Variants in ACTR8 observed in about 807,000 individuals in gnomAD.
The protein encoded by ACTR8 is actin related protein 8.
ACTR8 carries 70 observed loss-of-function variants against 84.3 expected under a neutral mutation model. That is an observed-to-expected ratio of 0.83 (90% confidence interval 0.68 to 1.01). ACTR8 has a LOEUF of 1.01. Ranked by LOEUF, ACTR8 falls within the 50% of genes least tolerant of loss-of-function variation. The pLI is 0.00. For synonymous variants in ACTR8, 268 were observed against 275.2 expected (o/e 0.97, Z 0.26); for missense variants, 672 against 775.4 (o/e 0.87, Z 1.58).
chr3:53,871,459 T>C lies in ACTR8; in HGVS notation c.1340A>G (p.Lys447Arg). The C allele has an allele frequency of 6.2e-7, 1 of 1,614,180 alleles. No homozygotes were observed. The highest frequency in any genetic ancestry group is 1.7e-5 in the Admixed American group (1 of 60,026). Reference sequence around the variant, plus strand: ...AAGATCCCCTTCAAATCCAATAGGTTTGGATGCAGACTTTCGGTCAGCAGT... The same window carrying C: ...AAGATCCCCTTCAAATCCAATAGGTCTGGATGCAGACTTTCGGTCAGCAGT... ...KATADRKSAS[K>R]PIGFEGDLRG... The change falls in exon 11 of 13, where the codon AAA (lysine) becomes AGA (arginine). Residue 447 changes from lysine (K) to arginine (R), a missense_variant. Transcript: ENST00000335754.
In ACTR8 at chr3:53,871,461, G is replaced by A. The variant is rs372308696; in HGVS notation, c.1338C>T (p.Ser446=). 71 of 1,614,058 alleles carry A rather than the reference G, an allele frequency of 4.4e-5. No individual in the cohort carries two copies. Among genetic ancestry groups the A allele is most frequent in the Non-Finnish European group, 5.7e-5 (67 of 1,180,050 alleles). ...GATCCCCTTCAAATCCAATAGGTTTGGATGCAGACTTTCGGTCAGCAGTAG... is the reference window on the plus strand; with the variant it reads ...GATCCCCTTCAAATCCAATAGGTTTAGATGCAGACTTTCGGTCAGCAGTAG... ...AKATADRKSA[S]KPIGFEGDLR... Residue 446 remains serine, a synonymous_variant, in exon 11 of 13, where the codon TCC becomes TCT. Coordinates refer to ENST00000335754, the MANE Select transcript of ACTR8 (RefSeq NM_022899.5).
chr3:53,876,989 T>C (rs1699984000), intron 5 of ACTR8, among the ~76,000 whole-genome samples: 1 of 151,870 alleles, frequency 6.6e-6, no homozygotes, highest in African/African-American at 2.4e-5. Flanking sequence ...ATGAGCAAGC[T>C]TGCTGATTCG....
At chr3:53,872,619 G>A (rs980282949) in intron 9 of ACTR8, 95 bp from the exon 10 acceptor site, 15 of 1,391,456 alleles carry the variant, frequency 1.1e-5, no homozygotes, top group African/African-American at 2.9e-5. Context: ...AAAACTGGCA[G>A]ATCAGATTCC....
downstream of ACTR8, among the ~76,000 whole-genome samples, chr3:53,866,719 G>A (rs536353462): frequency 1.3e-5 from 2 of 152,274 alleles, no homozygotes; most frequent in South Asian, 2.1e-4. Context: ...CTGACCTCAT[G>A]ATCCACCCAC....
chr3:53,860,185 C>T, the ACTR8 span: 3 of 1,613,986 alleles, frequency 1.9e-6, no homozygotes, highest in South Asian at 2.2e-5. Flanking sequence ...TGCTGGTGGC[C>T]ACATGGGTGC....
At chr3:53,872,666 G>T in intron 9 of ACTR8, 142 bp from the exon 10 acceptor site, 5 of 1,077,324 alleles carry the variant, frequency 4.6e-6, no homozygotes, top group Non-Finnish European at 6.4e-6. Flanking sequence ...TTCGGGAGTG[G>T]CATTATTTCT....
In ACTR8 at chr3:53,874,263, A is replaced by G. The variant is rs568634138; in HGVS notation, c.1013T>C (p.Met338Thr). Reference sequence around the variant, plus strand: ...AAGGTGTTGCAGAAGAAGACAATCCATTTTATTTGTTAACTGGCATTCTCT... The same window carrying G: ...AAGGTGTTGCAGAAGAAGACAATCCGTTTTATTTGTTAACTGGCATTCTCT... The part of the protein sequence containing the change: ...PYRECQLTNK[M>T]DCLLLQHLKE... The change falls in exon 8 of 13, where the codon ATG (methionine) becomes ACG (threonine). Residue 338 changes from methionine (M) to threonine (T), a missense_variant. By Grantham distance (81) the Met-to-Thr change is moderately conservative. Coordinates refer to ENST00000335754, the MANE Select transcript of ACTR8 (RefSeq NM_022899.5). The G allele has an allele frequency of 6.2e-7, 1 of 1,614,154 alleles. No homozygotes were observed. The highest frequency in any genetic ancestry group is 1.1e-5 in the South Asian group (1 of 91,078).
intron 9 of ACTR8, 85 bp downstream of exon 9, chr3:53,872,947 G>A (rs1296421259): frequency 2.7e-5 from 29 of 1,093,226 alleles, no homozygotes; most frequent in Non-Finnish European, 3.6e-5. Context: ...ATCTCACAAT[G>A]TTTCCAGCAA....
chr3:53,881,861 C>CA (rs1700067458), intron 1 of ACTR8, 118 bp downstream of exon 1: 1 of 1,489,308 alleles, frequency 6.7e-7, no homozygotes, highest in South Asian at 1.2e-5. Flanking sequence ...CCGCACTCCC[C>CA]CCACCAGGGG....
Position 53,875,983 on chromosome 3 carries a change from G to A in ACTR8, c.876C>T (p.Cys292=). Residue 292 remains cysteine, a synonymous_variant, in exon 7 of 13, where the codon TGC becomes TGT. Transcript: ENST00000335754. ...GATGAGACACCCCATCCTCCACACAGCATACACTTGTCTTCTGGTCCCCAA... is the reference window on the plus strand; with the variant it reads ...GATGAGACACCCCATCCTCCACACAACATACACTTGTCTTCTGGTCCCCAA... ...VDVGDQKTSV[C]CVEDGVSHRN... The A allele has an allele frequency of 6.2e-7, 1 of 1,614,152 alleles. No individual in the cohort carries two copies. Among genetic ancestry groups the A allele is most frequent in the Non-Finnish European group, 8.5e-7 (1 of 1,180,036 alleles).
In ACTR8 at chr3:53,877,339, T is replaced by C; in HGVS notation, c.559A>G (p.Arg187Gly). 7 of 1,613,930 alleles carry C rather than the reference T, an allele frequency of 4.3e-6. No individual in the cohort carries two copies. The highest frequency in any genetic ancestry group is 5.9e-6 in the Non-Finnish European group (7 of 1,179,920). Residue 187 changes from arginine (R) to glycine (G), a missense_variant, in exon 5 of 13, where the codon AGA (arginine) becomes GGA (glycine). Physicochemically the swap from Arg to Gly is moderately radical, Grantham distance 125. Coordinates refer to ENST00000335754, the MANE Select transcript of ACTR8 (RefSeq NM_022899.5). ...LDCYNIHWPI[R>G]RGQLNIHPGP... ...GGGTGAATATTTAACTGACCTCTTC[T>C]GATAGGCCAGTGAATATTGTAACAG... is the stretch of plus-strand genomic sequence containing the variant.
At chr3:53,862,909 C>T (rs748741958), downstream of ACTR8, among the ~76,000 whole-genome samples, 5 of 152,110 alleles carry the variant, frequency 3.3e-5, no homozygotes, top group Non-Finnish European at 4.4e-5. Context: ...TACACTGAGG[C>T]GCCCACCTCT....
chr3:53,865,301 C>A, downstream of ACTR8: 1 of 1,601,574 alleles, frequency 6.2e-7, no homozygotes, highest in Middle Eastern at 1.9e-4. Flanking sequence ...GGCTGCTGCT[C>A]CTTGTAGCCC....
rs999763740 is a variant in ACTR8, at chr3:53,871,404, T to C, written c.1395A>G (p.Arg465=). The C allele has an allele frequency of 4.3e-6, 7 of 1,614,094 alleles. No homozygotes were observed. Among genetic ancestry groups the C allele is most frequent in the Non-Finnish European group, 5.9e-6 (7 of 1,180,016 alleles). The change falls in exon 11 of 13, where the codon AGA becomes AGG. Residue 465 remains arginine, a synonymous_variant. Transcript: ENST00000335754. ...CCAAATCTACCTCCTGGGAATGGAG[T>C]CTTTCTGGAAGATCAGAGGACTGGC... ...LRGQSSDLPE[R]LHSQEVDLGS... is the part of the protein sequence containing the mutation.
Position 53,867,338 on chromosome 3 carries a change from G to A in ACTR8, c.*1381C>T, listed in dbSNP as rs1366704008. On this transcript the variant is annotated 3_prime_UTR_variant, in exon 13 of 13. Coordinates refer to ENST00000335754, the MANE Select transcript of ACTR8 (RefSeq NM_022899.5). ...CATCAATACTCTATAAATTAATGCT[G>A]TTAACAAATTTAAAAAATAAAACAT... 6.6e-6 allele frequency: 1 copy of A among 152,168 alleles called. No homozygotes were observed. The highest frequency in any genetic ancestry group is 1.5e-5 in the Non-Finnish European group (1 of 68,030). 9.4% of individuals were successfully genotyped at this position (152,168 alleles called of 1,614,324 possible).
chr3:53,868,986 G>T, intron 12 of ACTR8, 124 bp from the exon 13 acceptor site: 1 of 1,325,990 alleles, frequency 7.5e-7, no homozygotes. Flanking sequence ...CTTTCACCCT[G>T]TATTAAAGAC....
chr3:53,872,347 C>T, intron 10 of ACTR8, 37 bp downstream of exon 10: 1 of 1,522,480 alleles, frequency 6.6e-7, no homozygotes, highest in South Asian at 1.3e-5. Context: ...CCTTCAGGGA[C>T]AAAACTCTCT....
intron 6 of ACTR8, 138 bp from the exon 7 acceptor site, chr3:53,876,218 G>C: frequency 8.8e-7 from 1 of 1,138,332 alleles, no homozygotes; most frequent in Non-Finnish European, 1.2e-6. Flanking sequence ...TTCAGAATAA[G>C]CATTTAAATA....
intron 12 of ACTR8, 140 bp downstream of exon 12, chr3:53,869,842 G>A (rs962316506): frequency 1.2e-5 from 12 of 978,090 alleles, no homozygotes; most frequent in Non-Finnish European, 1.6e-5. Context: ...TCTATGGCTT[G>A]CTGAAATTAA....
Sources: allele counts gnomAD v4.1 joint callset (sites outside exome capture counted in the v4.1 genomes callset), GRCh38; gene constraint gnomAD v4.1.1; transcripts MANE v1.5; gene names NCBI Gene and HGNC (gene_info 2026-07-23, HGNC 2026-07-21).